The following NEGR1 variants were observed in gnomAD, a reference collection of about 807,000 sequenced individuals.
The protein encoded by NEGR1 is IgLON family member 4.
In NEGR1, 10 loss-of-function variants were observed where a neutral mutation model predicts 40.9. The observed-to-expected ratio is 0.24, with a 90% CI of 0.15 to 0.42. NEGR1 has a LOEUF of 0.42. Among genes scored for constraint, NEGR1 ranks in the 10% least tolerant of loss-of-function variants. NEGR1 has a pLI of 1.00. For missense variants in NEGR1, 352 were observed against 438.9 expected (o/e 0.80, Z 1.77); for synonymous variants, 185 against 166.8 (o/e 1.11, Z -0.84).
chr1:72,018,846 A>C (rs531423442), intron 1 of NEGR1, among the ~76,000 whole-genome samples: 10 of 152,170 alleles, frequency 6.6e-5, no homozygotes, highest in African/African-American at 2.4e-4. Flanking sequence ...TTGCAGTGTG[A>C]TAGGAGGACA....
intron 1 of NEGR1, among the ~76,000 whole-genome samples, chr1:72,097,551 G>A (rs527921635): frequency 9.9e-5 from 15 of 152,180 alleles, no homozygotes; most frequent in African/African-American, 3.1e-4. Flanking sequence ...TGGATTAATA[G>A]AAAAAAATAT....
intron 1 of NEGR1, among the ~76,000 whole-genome samples, chr1:72,232,713 CA>C (rs1654410538): frequency 6.6e-6 from 1 of 152,032 alleles, no homozygotes; most frequent in South Asian, 2.1e-4. Context: ...AAATGCACTC[CA>C]TTCTGTTGCC....
chr1:71,771,470 G>T (rs1484191179), intron 3 of NEGR1, among the ~76,000 whole-genome samples: 1 of 151,854 alleles, frequency 6.6e-6, no homozygotes, highest in Non-Finnish European at 1.5e-5. Flanking sequence ...GAAGGCCGAG[G>T]CACGTGGATC....
intron 6 of NEGR1, among the ~76,000 whole-genome samples, chr1:71,531,372 A>G (rs1221274159): frequency 6.6e-6 from 1 of 151,380 alleles, no homozygotes; most frequent in East Asian, 2.0e-4. Context: ...GAAAGTAAGA[A>G]CTTATCTAAT....
intron 2 of NEGR1, among the ~76,000 whole-genome samples, chr1:71,898,959 TATAGCATATATATATATATAGC>T (rs1661057465): frequency 1.1e-5 from 1 of 93,268 alleles, no homozygotes; most frequent in African/African-American, 4.3e-5. Flanking sequence ...AATATATATA[TATAGCATATATATATATATAGC>T]ATATATATAT....
At chr1:71,434,921 C>A (rs1158662208) in intron 6 of NEGR1, among the ~76,000 whole-genome samples, 1 of 152,180 alleles carries the variant, frequency 6.6e-6, no homozygotes, top group African/African-American at 2.4e-5. Flanking sequence ...GAAACCCCGT[C>A]TCTACTAAAA....
intron 4 of NEGR1, among the ~76,000 whole-genome samples, chr1:71,664,652 A>G (rs1264894857): frequency 6.6e-6 from 1 of 152,120 alleles, no homozygotes; most frequent in Non-Finnish European, 1.5e-5. Flanking sequence ...TTATAATGAA[A>G]CCTTATGAAA....
At chr1:71,410,885 T>C (rs1423327814) in intron 6 of NEGR1, among the ~76,000 whole-genome samples, 1 of 152,144 alleles carries the variant, frequency 6.6e-6, no homozygotes, top group Non-Finnish European at 1.5e-5. Context: ...CTGTTAGCTA[T>C]TAGAAATTAG....
chr1:72,121,224 T>C (rs1448127224), intron 1 of NEGR1, among the ~76,000 whole-genome samples: 1 of 152,060 alleles, frequency 6.6e-6, no homozygotes, highest in Non-Finnish European at 1.5e-5. Context: ...AATCTTTTTG[T>C]CACCTATCAA....
At chr1:71,967,135 G>C (rs1646216316) in intron 1 of NEGR1, among the ~76,000 whole-genome samples, 1 of 152,074 alleles carries the variant, frequency 6.6e-6, no homozygotes, top group Non-Finnish European at 1.5e-5. Context: ...TGATGTAATA[G>C]ATTCTGACAA....
rs1569825659 is a variant in NEGR1, at chr1:71,399,275, G to C, written c.*8171C>G. 1 of 149,984 alleles carries C rather than the reference G, an allele frequency of 6.7e-6. No homozygotes were observed. Among genetic ancestry groups the C allele is most frequent in the African/African-American group, 2.4e-5 (1 of 40,840 alleles). 9.3% of individuals were successfully genotyped at this position (149,984 alleles called of 1,614,324 possible). A position where few individuals can be genotyped will look rare whatever the true frequency, so the allele number is the denominator to read the frequency against. ...CCAGAAAAAAATTGCTTATTCAAAT[G>C]TAAAAAAAAAAACCCAGTCTTTCTC... On this transcript the variant is annotated 3_prime_UTR_variant, in exon 7 of 7. Transcript: ENST00000357731.
At chr1:72,277,561 A>G (rs1283770778) in intron 1 of NEGR1, among the ~76,000 whole-genome samples, 1 of 152,178 alleles carries the variant, frequency 6.6e-6, no homozygotes, top group Non-Finnish European at 1.5e-5. Context: ...TGTATCAAGT[A>G]ATATATCTTG....
At chr1:71,873,186 T>G (rs1304318461) in intron 2 of NEGR1, among the ~76,000 whole-genome samples, 51 of 150,268 alleles carry the variant, frequency 3.4e-4, no homozygotes, top group Non-Finnish European at 3.0e-5. Flanking sequence ...AATAGAAAAG[T>G]TCATTTATCT....
Position 71,886,008 on chromosome 1 carries a change from A to G in NEGR1, c.409+49071T>C, listed in dbSNP as rs960128736. On this transcript the variant is annotated intron_variant, in intron 2 of 6. Transcript: ENST00000357731. ...ACTTAGGTAATTAAATCTTGCAATG[A>G]AGTTTCTATATCAAAAGACGACAGC... is the stretch of plus-strand genomic sequence containing the variant. 3.9e-5 allele frequency among the ~76,000 whole-genome samples: 6 copies of G among 152,196 alleles called. No individual in the cohort carries two copies. The East Asian group carries it at 9.6e-4, about 24-fold the overall frequency.
intron 1 of NEGR1, among the ~76,000 whole-genome samples, chr1:72,119,008 G>T (rs1482299880): frequency 6.6e-6 from 1 of 151,502 alleles, no homozygotes; most frequent in African/African-American, 2.4e-5. Context: ...ATACCAGATA[G>T]AATTGATTTT....
At chr1:71,504,667 C>A (rs949125035) in intron 6 of NEGR1, among the ~76,000 whole-genome samples, 10 of 152,136 alleles carry the variant, frequency 6.6e-5, no homozygotes, top group Admixed American at 1.3e-4. Context: ...TTGATTAATA[C>A]TGGAGTGGCT....
At chr1:71,478,949 A>G (rs1646838379) in intron 6 of NEGR1, among the ~76,000 whole-genome samples, 2 of 152,010 alleles carry the variant, frequency 1.3e-5, no homozygotes, top group African/African-American at 2.4e-5. Context: ...CCTCTGGTCT[A>G]TGCAGTTACA....
At chr1:71,786,408 C>T (rs1386557610) in intron 2 of NEGR1, among the ~76,000 whole-genome samples, 1 of 152,080 alleles carries the variant, frequency 6.6e-6, no homozygotes, top group Non-Finnish European at 1.5e-5. Context: ...TATAGTGATC[C>T]CTTCTCAACA....
At chr1:71,704,964 A>C (rs990264978) in intron 3 of NEGR1, among the ~76,000 whole-genome samples, 2 of 152,088 alleles carry the variant, frequency 1.3e-5, no homozygotes, top group African/African-American at 4.8e-5. Context: ...GTTACCAAAA[A>C]AAAAATTAAA....
Sources: allele counts gnomAD v4.1 joint callset (sites outside exome capture counted in the v4.1 genomes callset), GRCh38; gene constraint gnomAD v4.1.1; transcripts MANE v1.5; gene names NCBI Gene and HGNC (gene_info 2026-07-23, HGNC 2026-07-21).